TENM4: variants seen among roughly 807,000 people sequenced by gnomAD.
TENM4 encodes the protein teneurin-4.
In TENM4, 82 loss-of-function variants were observed where a neutral mutation model predicts 243.3. The observed-to-expected ratio is 0.34, with a 90% CI of 0.28 to 0.40. TENM4 has a LOEUF of 0.40. TENM4 is among the 10% of genes least tolerant of loss of function. The probability of loss-of-function intolerance (pLI) is 1.00; values close to 1 mark genes in which losing one functional copy is unlikely to be tolerated. For missense variants in TENM4, 3,138 were observed against 3,673.3 expected, an observed-to-expected ratio of 0.85 and a Z score of 3.77; for synonymous variants, 1,412 against 1,456.3, an observed-to-expected ratio of 0.97 and a Z score of 0.69.
intron 1 of TENM4, among the ~76,000 whole-genome samples, chr11:79,419,071 C>T (rs560533717): frequency 6.6e-6 from 1 of 152,216 alleles, no homozygotes; most frequent in Non-Finnish European, 1.5e-5. Flanking sequence ...TTAGCTCATA[C>T]TTGTTTGAAG....
At chr11:78,660,967 G>A (rs909104829) in intron 33 of TENM4, among the ~76,000 whole-genome samples, 2 of 152,186 alleles carry the variant, frequency 1.3e-5, no homozygotes, top group Non-Finnish European at 1.5e-5. Context: ...GCACATCTGG[G>A]TTTGAATCCC....
intron 6 of TENM4, among the ~76,000 whole-genome samples, chr11:79,005,005 A>T (rs1037398635): frequency 7.9e-5 from 12 of 151,934 alleles, no homozygotes; most frequent in African/African-American, 2.9e-4. Flanking sequence ...CAAACTAGAA[A>T]ACTAAGTAGG....
rs1390462250 is a variant in TENM4, at chr11:78,960,491, T to C, written c.494-56968A>G. Among the ~76,000 whole-genome samples, 5 of 152,134 alleles carry C rather than the reference T, an allele frequency of 3.3e-5. No individual in the cohort carries two copies. The East Asian group carries it at 9.6e-4, about 29-fold the overall frequency. On this transcript the variant is annotated intron_variant, in intron 6 of 33. Coordinates refer to ENST00000278550, the MANE Select transcript of TENM4 (RefSeq NM_001098816.3). ...CTCAGGTGACTTTCACCACATGGCC[T>C]TCCATACCCTTCCAAGGTTCACACC...
chr11:78,982,598 G>A, intron 6 of TENM4, among the ~76,000 whole-genome samples: 1 of 152,192 alleles, frequency 6.6e-6, no homozygotes, highest in East Asian at 1.9e-4. Context: ...GCCCAGGGAT[G>A]CATTCACACT....
chr11:79,125,764 G>C (rs1014311145), intron 4 of TENM4, among the ~76,000 whole-genome samples: 3 of 152,112 alleles, frequency 2.0e-5, no homozygotes, highest in Non-Finnish European at 4.4e-5. Context: ...GGCCTCCCCT[G>C]AGGCAGTTGC....
chr11:79,431,869 G>GC, intron 1 of TENM4, among the ~76,000 whole-genome samples: 1 of 152,150 alleles, frequency 6.6e-6, no homozygotes, highest in South Asian at 2.1e-4. Context: ...GTCAGCTATT[G>GC]TTTTAGGAAA....
At chr11:79,165,050 C>T (rs935641541) in intron 3 of TENM4, among the ~76,000 whole-genome samples, 2 of 150,866 alleles carry the variant, frequency 1.3e-5, no homozygotes, top group Non-Finnish European at 2.9e-5. Context: ...GACTGATGAG[C>T]ATTTGAGCTG....
intron 5 of TENM4, among the ~76,000 whole-genome samples, chr11:79,066,622 G>A (rs954738402): frequency 1.1e-4 from 17 of 149,922 alleles, no homozygotes; most frequent in Admixed American, 4.0e-4. Context: ...ACACACGTGC[G>A]CACACACATG....
chr11:78,857,979 A>G (rs1858718303), intron 10 of TENM4, among the ~76,000 whole-genome samples: 2 of 152,236 alleles, frequency 1.3e-5, no homozygotes, highest in South Asian at 2.1e-4. Context: ...CTAGAAACTG[A>G]AAAGAAATAA....
chr11:79,414,923 C>T (rs1283259495), intron 1 of TENM4, among the ~76,000 whole-genome samples: 5 of 152,192 alleles, frequency 3.3e-5, no homozygotes, highest in Non-Finnish European at 5.9e-5. Flanking sequence ...TAGACACGGC[C>T]TCAGCTGACC....
At chr11:79,419,960 CAT>C (rs2135587805) in intron 1 of TENM4, among the ~76,000 whole-genome samples, 1 of 152,142 alleles carries the variant, frequency 6.6e-6, no homozygotes, top group South Asian at 2.1e-4. Flanking sequence ...TGTGTATGTG[CAT>C]GTGTGTGTGA....
chr11:79,406,101 C>A (rs1858566546), intron 1 of TENM4, among the ~76,000 whole-genome samples: 1 of 152,108 alleles, frequency 6.6e-6, no homozygotes. Flanking sequence ...TGCAGACATA[C>A]AATCTTGACC....
In TENM4 at chr11:78,787,030, G is replaced by C; in HGVS notation, c.2233C>G (p.Arg745Gly). 6.4e-7 allele frequency: 1 copy of C among 1,557,944 alleles called. No individual in the cohort carries two copies. The highest frequency in any genetic ancestry group is 8.7e-7 in the Non-Finnish European group (1 of 1,150,782). The stretch of plus-strand genomic sequence containing the variant: ...GCCCCCATCCAGCCATCCTCGCAGC[G>C]GCAGGTGCCCCCTACGCACACGCCA... ...GHGVCVGGTC[R>G]CEDGWMGAAC... The change falls in exon 16 of 34, where the codon CGC becomes GGC. Residue 745 changes from arginine to glycine, a missense_variant. Transcript: ENST00000278550.
intron 1 of TENM4, among the ~76,000 whole-genome samples, chr11:79,353,467 C>T (rs1349410650): frequency 1.3e-5 from 2 of 152,088 alleles, no homozygotes; most frequent in African/African-American, 2.4e-5. Context: ...AAATAGTTTT[C>T]GCCTTGAACC....
At chr11:78,981,345 G>A (rs961366253) in intron 6 of TENM4, among the ~76,000 whole-genome samples, 14 of 152,116 alleles carry the variant, frequency 9.2e-5, no homozygotes, top group South Asian at 2.1e-4. Context: ...GCATCCCCAC[G>A]ACAGTCCTGT....
chr11:78,776,050 CT>C lies in TENM4; in HGVS notation c.2392+2551del, dbSNP rs1303385245. 5.3e-5 allele frequency among the ~76,000 whole-genome samples: 8 copies of C among 152,210 alleles called. No individual in the cohort carries two copies. In the South Asian group the frequency reaches 1.0e-3, roughly 20 times the overall value. ...TGTTTCTCTTACTGGTCCTCTTGTA[CT>C]TTTTTTCTCTCTCCATATTCACTTC... is the stretch of plus-strand genomic sequence containing the variant. On this transcript the variant is annotated intron_variant, in intron 17 of 33. Coordinates refer to ENST00000278550, the MANE Select transcript of TENM4 (RefSeq NM_001098816.3).
chr11:78,980,340 A>T lies in TENM4; in HGVS notation c.494-76817T>A, dbSNP rs371186778. Among the ~76,000 whole-genome samples the T allele has an allele frequency of 3.0e-4, 45 of 152,368 alleles. No homozygotes were observed. The Middle Eastern group carries it at 0.017, about 58-fold the overall frequency. On this transcript the variant is annotated intron_variant, in intron 6 of 33. Coordinates refer to ENST00000278550, the MANE Select transcript of TENM4 (RefSeq NM_001098816.3). ...TTATCCCCGTTTCAGAGATAAGGAA[A>T]ACAGTGGTCAATCAACATGGCCAAT...
chr11:79,260,219 C>G lies in TENM4; in HGVS notation c.-265+37269G>C, dbSNP rs141083168. On this transcript the variant is annotated intron_variant, in intron 2 of 33. Transcript: ENST00000278550. The stretch of plus-strand genomic sequence containing the variant: ...TCATTACTTAACATCAGAGTTGTGA[C>G]TAGGGTAAGGTGAGCGAGGCACCAA... Among the ~76,000 whole-genome samples, 101 of 152,284 alleles carry G rather than the reference C, an allele frequency of 6.6e-4. No individual in the cohort carries two copies. In the Middle Eastern group the frequency reaches 0.014, roughly 21 times the overall value.
intron 4 of TENM4, among the ~76,000 whole-genome samples, chr11:79,127,079 T>C (rs1861894623): frequency 6.6e-6 from 1 of 152,032 alleles, no homozygotes; most frequent in Non-Finnish European, 1.5e-5. Flanking sequence ...CCTGTTGCCA[T>C]TTCCCCAGTG....
Sources: allele counts gnomAD v4.1 joint callset (sites outside exome capture counted in the v4.1 genomes callset), GRCh38; gene constraint gnomAD v4.1.1; transcripts MANE v1.5; gene names NCBI Gene and HGNC (gene_info 2026-07-23, HGNC 2026-07-21).